The following ALG6 variants were observed in gnomAD, a reference collection of about 807,000 sequenced individuals.
ALG6 encodes dolichyl pyrophosphate Man9GlcNAc2 alpha-1,3-glucosyltransferase.
Under a neutral mutation model 66.6 loss-of-function variants are expected in ALG6, and 46 were observed. The ratio of observed to expected loss-of-function variants is 0.69; its 90% confidence interval spans 0.55 to 0.88. ALG6 has a LOEUF of 0.88. Ranked by LOEUF, ALG6 falls within the 40% of genes least tolerant of loss-of-function variation. The pLI is 0.00. For synonymous variants in ALG6, 185 were observed against 203.7 expected, an observed-to-expected ratio of 0.91 and a Z score of 0.78; for missense variants, 505 against 586.8, an observed-to-expected ratio of 0.86 and a Z score of 1.44.
chr1:63,436,779 A>T, intron 14 of ALG6, 44 bp from the exon 15 acceptor site: 4 of 1,581,086 alleles, frequency 2.5e-6, no homozygotes, highest in Non-Finnish European at 3.5e-6. Context: ...GCACATTTAA[A>T]TTTCACCTTT....
chr1:63,394,703 G>A (rs1648768553), intron 2 of ALG6, among the ~76,000 whole-genome samples: 2 of 151,956 alleles, frequency 1.3e-5, no homozygotes, highest in African/African-American at 4.8e-5. Context: ...AAGAATAAAA[G>A]CTACTTAACC....
chr1:63,436,568 C>T (rs561752152), intron 14 of ALG6, among the ~76,000 whole-genome samples: 4 of 152,186 alleles, frequency 2.6e-5, no homozygotes, highest in African/African-American at 9.6e-5. Context: ...GTTTTGGCTA[C>T]ACATGGGAAT....
intron 2 of ALG6, among the ~76,000 whole-genome samples, chr1:63,371,665 C>A (rs965675513): frequency 2.6e-5 from 4 of 151,768 alleles, no homozygotes; most frequent in Non-Finnish European, 5.9e-5. Context: ...AGTTCAGTGG[C>A]GCAATCTTGG....
Position 63,389,410 on chromosome 1 carries a change from A to G in ALG6, c.83-7103A>G, listed in dbSNP as rs182407662. On this transcript the variant is annotated intron_variant, in intron 2 of 14. Transcript: ENST00000263440. Reference sequence around the variant, plus strand: ...CAGTATGTCAATTGAATTTTTTAGCACCAGAATTTCTGCTTGATTTTAACA... The same window carrying G: ...CAGTATGTCAATTGAATTTTTTAGCGCCAGAATTTCTGCTTGATTTTAACA... 2.1e-3 allele frequency among the ~76,000 whole-genome samples: 321 copies of G among 152,296 alleles called. 2 individuals carry two copies. Among genetic ancestry groups the G allele is most frequent in the Middle Eastern group, 6.8e-3 (2 of 294 alleles).
chr1:63,396,574 T>A lies in ALG6; in HGVS notation c.144T>A (p.Thr48=). 6.2e-7 allele frequency: 1 copy of A among 1,614,004 alleles called. No homozygotes were observed. Among genetic ancestry groups the A allele is most frequent in the African/African-American group, 1.3e-5 (1 of 75,060 alleles). The change falls in exon 3 of 15, where the codon ACT becomes ACA. Residue 48 remains threonine, a synonymous_variant. Transcript: ENST00000263440. Reference sequence around the variant, plus strand: ...CTCAGAGACACTGGCAAGAAATAACTTTTAATTTACCGGTCAAACAATGGT... The same window carrying A: ...CTCAGAGACACTGGCAAGAAATAACATTTAATTTACCGGTCAAACAATGGT... ...YEAQRHWQEI[T]FNLPVKQWYF... is the part of the protein sequence containing the mutation.
chr1:63,374,832 T>C (rs558884101), intron 2 of ALG6, among the ~76,000 whole-genome samples: 27 of 152,290 alleles, frequency 1.8e-4, no homozygotes, highest in African/African-American at 6.5e-4. Context: ...GCCTGGTCTT[T>C]AGGGTGACCA....
At chr1:63,379,990 T>G (rs1241009243) in intron 2 of ALG6, among the ~76,000 whole-genome samples, 1 of 151,704 alleles carries the variant, frequency 6.6e-6, no homozygotes, top group East Asian at 1.9e-4. Flanking sequence ...AGCAACAGGT[T>G]TAAGAGTTGC....
chr1:63,381,880 A>C (rs1164484008), intron 2 of ALG6, among the ~76,000 whole-genome samples: 1 of 152,122 alleles, frequency 6.6e-6, no homozygotes, highest in Non-Finnish European at 1.5e-5. Flanking sequence ...TTTTGTTTTT[A>C]AGAAGTGAGT....
chr1:63,375,745 C>T (rs1648102802), intron 2 of ALG6, among the ~76,000 whole-genome samples: 1 of 151,986 alleles, frequency 6.6e-6, no homozygotes, highest in South Asian at 2.1e-4. Context: ...CTGGAATTTT[C>T]TTTGTAAGGA....
At chr1:63,400,244 CGTATATATATGT>C (rs1557587430) in intron 3 of ALG6, among the ~76,000 whole-genome samples, 392 of 15,144 alleles carry the variant, frequency 0.026, 99 homozygotes, top group East Asian at 0.088. Context: ...TATATATATA[CGTATATATATGT>C]ATATATATAT....
rs1644582526 is a variant in ALG6, at chr1:63,422,221, A to AAG, written c.1058+2781_1058+2782insAG. Among the ~76,000 whole-genome samples, 4 of 57,412 alleles carry AAG rather than the reference A, an allele frequency of 7.0e-5. No homozygotes were observed. The South Asian group carries it at 2.3e-3, about 33-fold the overall frequency. The allele number at this position is 57,412 out of a possible 152,430, so 37.7% of individuals were successfully genotyped here. A position where few individuals can be genotyped will look rare whatever the true frequency, so the allele number is the denominator to read the frequency against. ...TCTATATGAATATAAATATATATTT[A>AAG]TATAAATATAAATATATATATAAAT... On this transcript the variant is annotated intron_variant, in intron 12 of 14. Coordinates refer to ENST00000263440, the MANE Select transcript of ALG6 (RefSeq NM_013339.4).
At chr1:63,407,493 AG>A (rs1339834166) in intron 7 of ALG6, among the ~76,000 whole-genome samples, 1 of 152,116 alleles carries the variant, frequency 6.6e-6, no homozygotes, top group East Asian at 1.9e-4. Flanking sequence ...ATGATCTTAC[AG>A]TTTTATGAGT....
chr1:63,403,283 A>G (rs1266226733), intron 4 of ALG6, among the ~76,000 whole-genome samples: 2 of 152,136 alleles, frequency 1.3e-5, no homozygotes, highest in African/African-American at 4.8e-5. Context: ...TTTTTCTGGA[A>G]CAGCTCAAAG....
At chr1:63,411,500 T>G (rs1439309158) in intron 8 of ALG6, among the ~76,000 whole-genome samples, 169 bp downstream of exon 8, 1 of 152,224 alleles carries the variant, frequency 6.6e-6, no homozygotes, top group Non-Finnish European at 1.5e-5. Flanking sequence ...CTGTATTTTA[T>G]TTTTAATTTT....
chr1:63,420,596 C>G (rs1377376982), intron 12 of ALG6, among the ~76,000 whole-genome samples: 2 of 152,218 alleles, frequency 1.3e-5, no homozygotes, highest in Admixed American at 6.5e-5. Flanking sequence ...CCTGGTGGCT[C>G]AAGCCTGTAA....
In ALG6 at chr1:63,425,292, G is replaced by A. The variant is rs371752065; in HGVS notation, c.1059-3441G>A. Among the ~76,000 whole-genome samples the A allele has an allele frequency of 3.9e-5, 6 of 152,316 alleles. No homozygotes were observed. In the South Asian group the frequency reaches 1.0e-3, roughly 26 times the overall value. On this transcript the variant is annotated intron_variant, in intron 12 of 14. Coordinates refer to ENST00000263440, the MANE Select transcript of ALG6 (RefSeq NM_013339.4). ...CAAGAGGAGGAGCTGCTGGAGCACTGTCATTGGGAAAGGGAGATGGGGTAG... is the reference window on the plus strand; with the variant it reads ...CAAGAGGAGGAGCTGCTGGAGCACTATCATTGGGAAAGGGAGATGGGGTAG...
chr1:63,368,994 A>G (rs1647821388), intron 1 of ALG6, among the ~76,000 whole-genome samples: 2 of 152,030 alleles, frequency 1.3e-5, no homozygotes, highest in Non-Finnish European at 2.9e-5. Flanking sequence ...TTCCTCCCCA[A>G]AGGTAACCTC....
chr1:63,411,718 A>G (rs535044402), intron 8 of ALG6, among the ~76,000 whole-genome samples: 7 of 152,296 alleles, frequency 4.6e-5, no homozygotes, highest in East Asian at 1.9e-4. Context: ...TACGATGGTG[A>G]TAACAGTCCT....
intron 12 of ALG6, among the ~76,000 whole-genome samples, chr1:63,419,908 T>C (rs182414483): frequency 8.1e-4 from 124 of 152,328 alleles, no homozygotes; most frequent in East Asian, 3.9e-4. Context: ...CTACTTTGTT[T>C]TAGAAGCATT....
Sources: allele counts gnomAD v4.1 joint callset (sites outside exome capture counted in the v4.1 genomes callset), GRCh38; gene constraint gnomAD v4.1.1; transcripts MANE v1.5; gene names NCBI Gene and HGNC (gene_info 2026-07-23, HGNC 2026-07-21).